RPA3: variants seen among roughly 807,000 people sequenced by gnomAD.
The protein encoded by RPA3 is replication protein A 14 kDa subunit.
In RPA3, 24 loss-of-function variants were observed where a neutral mutation model predicts 13.7. The observed-to-expected ratio is 1.75, with a 90% CI of 1.27 to 2.46. RPA3 has a LOEUF of 2.46. RPA3 is among the 30% of genes most tolerant of loss of function. The pLI is 0.00. For synonymous variants in RPA3, 59 were observed against 51.2 expected, an observed-to-expected ratio of 1.15 and a Z score of -0.65; for missense variants, 183 against 151.0, an observed-to-expected ratio of 1.21 and a Z score of -1.11.
rs1001361770 is a variant in RPA3, at chr7:7,641,092, C to T, written c.-674G>A. On this transcript the variant is annotated 5_prime_UTR_variant, in exon 5 of 8. The change creates a new upstream start codon in the 5' untranslated region. Coordinates refer to ENST00000223129, the MANE Select transcript of RPA3 (RefSeq NM_002947.5). ...GCGGGGTCATCAGTGATCTTGATCA[C>T]TTTCTTCAGGCTTTTGCCACTTGTT... 5 of 152,544 alleles carry T rather than the reference C, an allele frequency of 3.3e-5. No individual in the cohort carries two copies. The highest frequency in any genetic ancestry group is 1.2e-4 in the African/African-American group (5 of 41,460). The allele number at this position is 152,544 out of a possible 1,614,324, so 9.4% of individuals were successfully genotyped here.
intron 4 of RPA3, among the ~76,000 whole-genome samples, chr7:7,685,624 A>G (rs888098445): frequency 6.6e-6 from 1 of 152,142 alleles, no homozygotes; most frequent in African/African-American, 2.4e-5. Flanking sequence ...ATCTTTATAA[A>G]TGTGAATTTC....
chr7:7,695,531 A>G (rs1277293111), intron 2 of RPA3, among the ~76,000 whole-genome samples: 1 of 152,160 alleles, frequency 6.6e-6, no homozygotes, highest in Non-Finnish European at 1.5e-5. Flanking sequence ...GAACTTCCTA[A>G]ATGTTTAGTC....
intron 4 of RPA3, among the ~76,000 whole-genome samples, chr7:7,683,549 A>G (rs1247524081): frequency 6.6e-6 from 1 of 152,216 alleles, no homozygotes; most frequent in African/African-American, 2.4e-5. Context: ...ATTTCCTTCA[A>G]TATATTAAAT....
intron 4 of RPA3, among the ~76,000 whole-genome samples, chr7:7,684,763 A>C (rs1000681328): frequency 6.6e-6 from 1 of 152,230 alleles, no homozygotes; most frequent in Non-Finnish European, 1.5e-5. Flanking sequence ...TAACACCCGT[A>C]AACTTTTCAA....
At chr7:7,699,843 C>G (rs1780413393) in intron 2 of RPA3, among the ~76,000 whole-genome samples, 2 of 152,236 alleles carry the variant, frequency 1.3e-5, no homozygotes, top group East Asian at 1.9e-4. Context: ...GGTAAGAACT[C>G]TAAACTGAGC....
chr7:7,654,701 G>A (rs966302608), intron 4 of RPA3, among the ~76,000 whole-genome samples: 1 of 152,040 alleles, frequency 6.6e-6, no homozygotes, highest in African/African-American at 2.4e-5. Flanking sequence ...CTAGGAGTTC[G>A]AGACCAGCCT....
chr7:7,691,982 T>G (rs1263252368), intron 2 of RPA3, among the ~76,000 whole-genome samples: 1 of 152,196 alleles, frequency 6.6e-6, no homozygotes, highest in Non-Finnish European at 1.5e-5. Flanking sequence ...GAATGACAGT[T>G]TAATGCTAGA....
chr7:7,715,424 G>A (rs1322935595), intron 1 of RPA3, among the ~76,000 whole-genome samples, 198 bp from the exon 2 acceptor site: 2 of 152,158 alleles, frequency 1.3e-5, no homozygotes, highest in Non-Finnish European at 1.5e-5. Flanking sequence ...ACCAAAGCTA[G>A]TTCCCTGATA....
At chr7:7,705,752 T>C (rs1780583180) in intron 2 of RPA3, among the ~76,000 whole-genome samples, 1 of 152,156 alleles carries the variant, frequency 6.6e-6, no homozygotes, top group South Asian at 2.1e-4. Context: ...ACTCATAGAA[T>C]ATAAAATAAA....
chr7:7,698,053 G>C (rs1038325346), intron 2 of RPA3, among the ~76,000 whole-genome samples: 6 of 152,140 alleles, frequency 3.9e-5, no homozygotes, highest in African/African-American at 1.4e-4. Flanking sequence ...GAGAATTTCT[G>C]CACTTCACGT....
At chr7:7,700,793 C>G (rs1006975752) in intron 2 of RPA3, among the ~76,000 whole-genome samples, 5 of 152,086 alleles carry the variant, frequency 3.3e-5, no homozygotes, top group African/African-American at 9.7e-5. Flanking sequence ...GAGGCTGAGG[C>G]AGTAGAATCA....
intron 3 of RPA3, among the ~76,000 whole-genome samples, chr7:7,686,686 C>T (rs1780048542): frequency 6.6e-6 from 1 of 152,140 alleles, no homozygotes. Flanking sequence ...TTTAAATCTT[C>T]TTTAGCTTCA....
intron 2 of RPA3, among the ~76,000 whole-genome samples, chr7:7,704,364 C>T (rs1336010799): frequency 1.3e-5 from 2 of 151,698 alleles, no homozygotes; most frequent in Non-Finnish European, 2.9e-5. Flanking sequence ...AAAATATTAA[C>T]AGATATAACT....
At chr7:7,674,375 G>T (rs998326913) in intron 4 of RPA3, among the ~76,000 whole-genome samples, 1 of 152,170 alleles carries the variant, frequency 6.6e-6, no homozygotes, top group Non-Finnish European at 1.5e-5. Flanking sequence ...GTTTCCCTTA[G>T]ATTTAAGGGT....
At chr7:7,699,893 C>T (rs112583322) in intron 2 of RPA3, among the ~76,000 whole-genome samples, 1 of 152,072 alleles carries the variant, frequency 6.6e-6, no homozygotes, top group South Asian at 2.1e-4. Context: ...AGTGGAAATA[C>T]GTGTTTTGTT....
chr7:7,666,916 C>T (rs1779477382), intron 4 of RPA3, among the ~76,000 whole-genome samples: 1 of 152,156 alleles, frequency 6.6e-6, no homozygotes, highest in African/African-American at 2.4e-5. Context: ...AGTAATTCTC[C>T]TGCCTCTCAG....
In RPA3 at chr7:7,703,768, C is replaced by T. The variant is rs543671794; in HGVS notation, c.-1028+11407G>A. On this transcript the variant is annotated intron_variant, in intron 2 of 7. Transcript: ENST00000223129. Reference sequence around the variant, plus strand: ...CAGCCTGGGCAACGTGGCGAAACCCCGTTTCTACAAATAATGCAAAATTAG... The same window carrying T: ...CAGCCTGGGCAACGTGGCGAAACCCTGTTTCTACAAATAATGCAAAATTAG... Among the ~76,000 whole-genome samples, 5 of 152,184 alleles carry T rather than the reference C, an allele frequency of 3.3e-5. No individual in the cohort carries two copies. The South Asian group carries it at 1.0e-3, about 32-fold the overall frequency.
intron 4 of RPA3, among the ~76,000 whole-genome samples, chr7:7,659,394 G>A (rs968451526): frequency 2.0e-5 from 3 of 152,034 alleles, no homozygotes; most frequent in Non-Finnish European, 4.4e-5. Flanking sequence ...TAATTATGAC[G>A]TTAGGGTGTC....
At chr7:7,648,518 G>A (rs1365655234) in intron 4 of RPA3, among the ~76,000 whole-genome samples, 1 of 152,148 alleles carries the variant, frequency 6.6e-6, no homozygotes, top group African/African-American at 2.4e-5. Context: ...TCTATGTAGT[G>A]TTGCTATTAC....
Sources: gnomAD v4.1 joint callset for allele counts (sites outside exome capture counted in the v4.1 genomes callset) on GRCh38, gnomAD v4.1.1 for gene constraint, MANE v1.5 for transcripts, NCBI Gene and HGNC (gene_info 2026-07-23, HGNC 2026-07-21) for gene names.